Variants in FANCC observed in about 807,000 individuals in gnomAD.
FANCC encodes the protein Fanconi anemia group C protein.
Under a neutral mutation model 71.3 loss-of-function variants are expected in FANCC, and 55 were observed. That is an observed-to-expected ratio of 0.77 (90% CI 0.62 to 0.97). The LOEUF (loss-of-function observed/expected upper bound fraction) is 0.97, where lower values mean the gene tolerates loss of function less well. Among genes scored for constraint, FANCC ranks in the 50% least tolerant of loss-of-function variants. FANCC has a pLI of 0.00. For synonymous variants in FANCC, 275 were observed against 244.9 expected (o/e 1.12, Z -1.15); for missense variants, 678 against 670.9 (o/e 1.01, Z -0.12).
chr9:95,240,502 A>T (rs56371086), intron 4 of FANCC, 147 bp downstream of exon 4: 30 of 631,350 alleles, frequency 4.8e-5, no homozygotes, highest in East Asian at 2.5e-4. Flanking sequence ...TTACTCAGCA[A>T]GATAATGTAA....
intron 7 of FANCC, among the ~76,000 whole-genome samples, chr9:95,138,051 G>A (rs1479706575): frequency 6.6e-6 from 1 of 152,256 alleles, no homozygotes. Flanking sequence ...GAGTGGGAAA[G>A]GCTGAAAAGC....
intron 1 of FANCC, among the ~76,000 whole-genome samples, chr9:95,314,622 A>G (rs1835628535): frequency 6.6e-6 from 1 of 152,042 alleles, no homozygotes; most frequent in Non-Finnish European, 1.5e-5. Context: ...ACTGCACTCC[A>G]GTCTGGGCAA....
At chr9:95,210,985 T>C (rs1828458717) in intron 4 of FANCC, among the ~76,000 whole-genome samples, 1 of 152,178 alleles carries the variant, frequency 6.6e-6, no homozygotes, top group African/African-American at 2.4e-5. Context: ...CTTAAAAATT[T>C]CTTGAAGGCT....
chr9:95,272,494 G>A (rs1453905082), intron 1 of FANCC, among the ~76,000 whole-genome samples: 2 of 151,984 alleles, frequency 1.3e-5, no homozygotes, highest in Non-Finnish European at 2.9e-5. Context: ...CCAGGAACTC[G>A]AGCCCAGCCT....
chr9:95,268,503 T>G (rs1396883095), intron 1 of FANCC, among the ~76,000 whole-genome samples: 1 of 152,238 alleles, frequency 6.6e-6, no homozygotes, highest in Non-Finnish European at 1.5e-5. Context: ...TTCTTTCTGC[T>G]GCATCTTCTC....
intron 7 of FANCC, among the ~76,000 whole-genome samples, chr9:95,135,938 A>G (rs3780567): frequency 0.5 from 75,286 of 152,032 alleles, 19,278 homozygotes; most frequent in East Asian, 0.62. Flanking sequence ...GTATGATCTC[A>G]GAGAAGTTAA....
intron 8 of FANCC, chr9:95,126,845 T>G (rs1826060808): frequency 2.2e-6 from 1 of 456,902 alleles, no homozygotes; most frequent in African/African-American, 2.0e-5. Flanking sequence ...GCTCAGGCGA[T>G]CCATAATACA....
intron 4 of FANCC, among the ~76,000 whole-genome samples, chr9:95,188,504 AAAG>A (rs1424036695): frequency 1.6e-4 from 25 of 152,200 alleles, no homozygotes; most frequent in Admixed American, 1.6e-3. Context: ...TTGGTCCCAT[AAAG>A]AAGGTCAGGA....
chr9:95,224,629 G>A (rs927191690), intron 4 of FANCC, among the ~76,000 whole-genome samples: 2 of 151,746 alleles, frequency 1.3e-5, no homozygotes, highest in South Asian at 2.1e-4. Flanking sequence ...TATCACCCCC[G>A]CTCCCCAGCT....
intron 1 of FANCC, among the ~76,000 whole-genome samples, chr9:95,292,110 A>C (rs1357009745): frequency 1.3e-5 from 2 of 150,052 alleles, no homozygotes; most frequent in Non-Finnish European, 3.0e-5. Flanking sequence ...TAGAGTACTG[A>C]CATAAAAACA....
chr9:95,286,246 GTA>G (rs1833680194), intron 1 of FANCC, among the ~76,000 whole-genome samples: 1 of 152,202 alleles, frequency 6.6e-6, no homozygotes, highest in Admixed American at 6.5e-5. Flanking sequence ...TAATAATCAT[GTA>G]TTATTTTTGT....
intron 4 of FANCC, among the ~76,000 whole-genome samples, chr9:95,229,680 C>T (rs1435947597): frequency 6.6e-6 from 1 of 152,082 alleles, no homozygotes; most frequent in Non-Finnish European, 1.5e-5. Context: ...GTGGAGATGT[C>T]ACACAGGCAG....
At chr9:95,195,355 G>A (rs1827386599) in intron 4 of FANCC, among the ~76,000 whole-genome samples, 1 of 150,040 alleles carries the variant, frequency 6.7e-6, no homozygotes, top group Admixed American at 6.7e-5. Flanking sequence ...ATGTCCAACT[G>A]CAAAAGCACC....
intron 3 of FANCC, among the ~76,000 whole-genome samples, chr9:95,242,471 T>A (rs1432621722): frequency 7.2e-6 from 1 of 139,388 alleles, no homozygotes; most frequent in Admixed American, 7.3e-5. Context: ...AAACCAGACA[T>A]TCACCACCAA....
At chr9:95,143,552 T>C (rs1216830400) in intron 7 of FANCC, among the ~76,000 whole-genome samples, 4 of 152,198 alleles carry the variant, frequency 2.6e-5, no homozygotes, top group Non-Finnish European at 5.9e-5. Context: ...TCAAGGGTTT[T>C]AGGAGCCTGG....
chr9:95,270,365 C>T (rs1832649274), intron 1 of FANCC, among the ~76,000 whole-genome samples: 3 of 152,128 alleles, frequency 2.0e-5, no homozygotes, highest in Admixed American at 6.5e-5. Context: ...CCCGGAGAAA[C>T]GGCAAGCACT....
chr9:95,157,703 ACT>A (rs917970480), intron 6 of FANCC, among the ~76,000 whole-genome samples: 73 of 152,080 alleles, frequency 4.8e-4, no homozygotes, highest in African/African-American at 1.7e-3. Context: ...GGATCTCCAC[ACT>A]CTGACAAACT....
chr9:95,102,075 C>T (rs2071106529), intron 14 of FANCC, among the ~76,000 whole-genome samples: 1 of 152,222 alleles, frequency 6.6e-6, no homozygotes, highest in African/African-American at 2.4e-5. Flanking sequence ...CCTAACGAGC[C>T]TCCTCGCATT....
intron 4 of FANCC, chr9:95,186,636 A>G (rs983332186): frequency 2.6e-5 from 4 of 152,272 alleles, no homozygotes; most frequent in African/African-American, 9.6e-5. Context: ...AAGAGTCAGT[A>G]TAATTCCACC....
Sources: allele counts gnomAD v4.1 joint callset (sites outside exome capture counted in the v4.1 genomes callset), GRCh38; gene constraint gnomAD v4.1.1; transcripts MANE v1.5; gene names NCBI Gene and HGNC (gene_info 2026-07-23, HGNC 2026-07-21).